MTHFD1: variants seen among roughly 807,000 people sequenced by gnomAD.
MTHFD1 encodes the protein C-1-tetrahydrofolate synthase, cytoplasmic.
MTHFD1 carries 44 observed loss-of-function variants against 110.3 expected under a neutral mutation model. That is an observed-to-expected ratio of 0.40 (90% CI 0.31 to 0.51). The LOEUF (loss-of-function observed/expected upper bound fraction) is 0.51. Among genes scored for constraint, MTHFD1 ranks in the 20% least tolerant of loss-of-function variants. The probability of loss-of-function intolerance (pLI) is 0.60; values close to 1 mark genes in which losing one functional copy is unlikely to be tolerated. For missense variants in MTHFD1, 909 were observed against 1,173.1 expected (o/e 0.77, Z 3.29); for synonymous variants, 402 against 428.8 (o/e 0.94, Z 0.77).
At chr14:64,443,720 A>G (rs1379380154) in intron 21 of MTHFD1, among the ~76,000 whole-genome samples, 2 of 152,050 alleles carry the variant, frequency 1.3e-5, no homozygotes, top group East Asian at 3.9e-4. Context: ...CCCAGTCACA[A>G]CTAACATTCC....
intron 2 of MTHFD1, among the ~76,000 whole-genome samples, chr14:64,405,444 G>A (rs2077929068): frequency 6.6e-6 from 1 of 152,164 alleles, no homozygotes; most frequent in African/African-American, 2.4e-5. Flanking sequence ...ACAGCTTTCT[G>A]TGATACAAGG....
Position 64,419,827 on chromosome 14 carries a change from A to C in MTHFD1, c.629A>C (p.Asp210Ala). The change falls in exon 8 of 28, where the codon GAC becomes GCC. Residue 210 changes from aspartate (D) to alanine (A), a missense_variant. This residue lies in a region of MTHFD1 where 424 missense variants were observed against 510.4 expected (regional missense o/e 0.83). Transcript: ENST00000652337. ...CCCTACCCCTAGGTAAATAAAGGTG[A>C]CATCCTGGTGGTTGCAACTGGTCAG... ...AHLDEEVNKG[D>A]ILVVATGQPE... 2 of 1,613,212 alleles carry C rather than the reference A, an allele frequency of 1.2e-6. No homozygotes were observed. The highest frequency in any genetic ancestry group is 1.7e-6 in the Non-Finnish European group (2 of 1,179,212).
At chr14:64,449,724 G>T in intron 24 of MTHFD1, 102 bp downstream of exon 24, 1 of 1,408,482 alleles carries the variant, frequency 7.1e-7, no homozygotes, top group East Asian at 2.5e-5. Context: ...CGCAGCTTCA[G>T]CCTTGCGGTT....
chr14:64,415,584 G>C, intron 5 of MTHFD1, 55 bp from the exon 6 acceptor site: 14 of 1,612,730 alleles, frequency 8.7e-6, no homozygotes, highest in Non-Finnish European at 1.2e-5. Flanking sequence ...TGTTTCTAAA[G>C]AGTAAAGACA....
At chr14:64,449,838 G>A (rs1309942348) in intron 24 of MTHFD1, among the ~76,000 whole-genome samples, 2 of 152,170 alleles carry the variant, frequency 1.3e-5, no homozygotes, top group African/African-American at 2.4e-5. Flanking sequence ...GCCCAGGCTC[G>A]AGTGCAGAGG....
intron 2 of MTHFD1, among the ~76,000 whole-genome samples, chr14:64,410,377 C>G (rs1197509112): frequency 1.4e-5 from 2 of 146,202 alleles, no homozygotes; most frequent in African/African-American, 5.1e-5. Context: ...CAGGCAGGCA[C>G]CACTATGCCT....
chr14:64,401,988 T>C (rs1169706826), intron 2 of MTHFD1, among the ~76,000 whole-genome samples: 1 of 152,202 alleles, frequency 6.6e-6, no homozygotes, highest in Admixed American at 6.5e-5. Context: ...TTCATACAGA[T>C]GTGTAGCTAT....
intron 15 of MTHFD1, among the ~76,000 whole-genome samples, chr14:64,432,702 A>G (rs1426045113): frequency 6.6e-6 from 1 of 152,198 alleles, no homozygotes; most frequent in Admixed American, 6.5e-5. Flanking sequence ...AAGGGTATGG[A>G]TGAAGGGAGG....
intron 3 of MTHFD1, among the ~76,000 whole-genome samples, chr14:64,411,892 G>C (rs979419533): frequency 6.6e-6 from 1 of 151,648 alleles, no homozygotes; most frequent in Non-Finnish European, 1.5e-5. Flanking sequence ...TAAGAGTGAA[G>C]CTCCAACCAG....
intron 1 of MTHFD1, among the ~76,000 whole-genome samples, chr14:64,390,838 G>T (rs1032902645): frequency 6.6e-5 from 10 of 152,060 alleles, no homozygotes; most frequent in African/African-American, 2.4e-4. Context: ...TAGTAGAGAC[G>T]GGCTTTCACC....
At chr14:64,404,157 C>A (rs2077920705) in intron 2 of MTHFD1, among the ~76,000 whole-genome samples, 1 of 152,204 alleles carries the variant, frequency 6.6e-6, no homozygotes, top group Non-Finnish European at 1.5e-5. Context: ...GCCACATTAT[C>A]AGAACCATTA....
chr14:64,390,116 AAATT>A (rs537794557), intron 1 of MTHFD1, among the ~76,000 whole-genome samples: 1 of 152,206 alleles, frequency 6.6e-6, no homozygotes, highest in Non-Finnish European at 1.5e-5. Flanking sequence ...GGTTTTAAGC[AAATT>A]AATTAACCTT....
At chr14:64,420,368 T>C (rs1180149491) in intron 8 of MTHFD1, among the ~76,000 whole-genome samples, 2 of 152,202 alleles carry the variant, frequency 1.3e-5, no homozygotes, top group Non-Finnish European at 2.9e-5. Flanking sequence ...GGTTTTTTTC[T>C]AGGCTGAGAG....
chr14:64,390,255 C>A (rs1017058456), intron 1 of MTHFD1: 1 of 151,236 alleles, frequency 6.6e-6, no homozygotes, highest in Non-Finnish European at 1.5e-5. Flanking sequence ...AATAAGTATT[C>A]GATATATGTT....
chr14:64,423,999 A>G (rs1596543444), intron 8 of MTHFD1, among the ~76,000 whole-genome samples: 1 of 152,072 alleles, frequency 6.6e-6, no homozygotes, highest in East Asian at 1.9e-4. Flanking sequence ...AGTGCCTGCT[A>G]ATCTCTTAAT....
In MTHFD1 at chr14:64,431,598, A is replaced by G. The variant is rs1215962397; in HGVS notation, c.1378A>G (p.Ile460Val). The change falls in exon 14 of 28, where the codon ATT becomes GTT. Residue 460 changes from isoleucine (I) to valine (V), a missense_variant. This residue lies in a region of MTHFD1 where 482 missense variants were observed against 646.0 expected (regional missense o/e 0.75). Coordinates refer to ENST00000652337, the MANE Select transcript of MTHFD1 (RefSeq NM_005956.4). ...AGCTAATAACCTCGTTGCTGCGGCC[A>G]TTGATGCTCGGATATTTCATGAACT... ...TAANNLVAAA[I>V]DARIFHELTQ... The G allele has an allele frequency of 2.5e-6, 4 of 1,614,204 alleles. No individual in the cohort carries two copies. Among genetic ancestry groups the G allele is most frequent in the Non-Finnish European group, 2.5e-6 (3 of 1,180,036 alleles).
chr14:64,430,844 T>C (rs2078152620), intron 13 of MTHFD1, among the ~76,000 whole-genome samples: 1 of 152,194 alleles, frequency 6.6e-6, no homozygotes, highest in South Asian at 2.1e-4. Flanking sequence ...TTTATGTAAC[T>C]GCAGAAATTG....
intron 1 of MTHFD1, among the ~76,000 whole-genome samples, chr14:64,399,856 G>T (rs2077883519): frequency 6.6e-6 from 1 of 151,968 alleles, no homozygotes; most frequent in Admixed American, 6.6e-5. Flanking sequence ...GCTCACTGCA[G>T]CCTCAACCTC....
At chr14:64,408,285 CTT>C (rs1555336630) in intron 2 of MTHFD1, among the ~76,000 whole-genome samples, 10 of 121,176 alleles carry the variant, frequency 8.3e-5, no homozygotes, top group East Asian at 2.5e-4. Flanking sequence ...AATCAGCATT[CTT>C]TTTTTTTTTT....
Sources: gnomAD v4.1 joint callset for allele counts (sites outside exome capture counted in the v4.1 genomes callset) on GRCh38, gnomAD v4.1.1 for gene constraint, gnomAD v4.1.1 regional missense constraint, MANE v1.5 for transcripts, NCBI Gene and HGNC (gene_info 2026-07-23, HGNC 2026-07-21) for gene names.